The following DOCK9 variants were observed in gnomAD, a reference collection of about 807,000 sequenced individuals.
The protein encoded by DOCK9 is dedicator of cytokinesis 9.
Under a neutral mutation model 263.3 loss-of-function variants are expected in DOCK9, and 89 were observed. That is an observed-to-expected ratio of 0.34 (90% CI 0.28 to 0.40). The LOEUF is 0.40. Ranked by LOEUF, DOCK9 falls within the 10% of genes least tolerant of loss-of-function variation. DOCK9 has a pLI of 1.00. For synonymous variants in DOCK9, 976 were observed against 973.1 expected (o/e 1.00, Z -0.06); for missense variants, 2,140 against 2,603.4 (o/e 0.82, Z 3.87).
intron 35 of DOCK9, among the ~76,000 whole-genome samples, chr13:98,850,842 G>GT (rs770595601): frequency 1.3e-5 from 2 of 152,162 alleles, no homozygotes; most frequent in Admixed American, 6.5e-5. Context: ...TATTACCATC[G>GT]TTTGAGTTCT....
intron 25 of DOCK9, among the ~76,000 whole-genome samples, chr13:98,881,174 A>G (rs2044695465): frequency 6.6e-6 from 1 of 152,182 alleles, no homozygotes; most frequent in Non-Finnish European, 1.5e-5. Context: ...GACTGTAGCC[A>G]GAGCTAACCT....
intron 1 of DOCK9, among the ~76,000 whole-genome samples, chr13:98,961,794 C>T (rs1054494517): frequency 2.6e-5 from 4 of 152,330 alleles, no homozygotes; most frequent in Admixed American, 1.3e-4. Context: ...TCCATTGTTG[C>T]TGGGCACCTT....
intron 15 of DOCK9, among the ~76,000 whole-genome samples, chr13:98,894,778 TTATAGG>T (rs1202875451): frequency 1.3e-5 from 2 of 151,646 alleles, no homozygotes. Context: ...TAACTGTGGC[TTATAGG>T]TATAATTCTG....
intron 4 of DOCK9, among the ~76,000 whole-genome samples, chr13:98,925,304 A>C (rs1287477209): frequency 6.6e-6 from 1 of 152,198 alleles, no homozygotes; most frequent in East Asian, 1.9e-4. Flanking sequence ...ACCGCGATTC[A>C]CTTTGGCCAC....
chr13:98,958,110 G>A (rs75343552), intron 1 of DOCK9, among the ~76,000 whole-genome samples: 1,609 of 152,344 alleles, frequency 0.011, 32 homozygotes, highest in African/African-American at 0.036. Context: ...CTGTTCCCAG[G>A]TGCCAATGTT....
chr13:98,818,831 TTGTGTG>T (rs142278524), intron 45 of DOCK9, among the ~76,000 whole-genome samples: 2 of 149,772 alleles, frequency 1.3e-5, no homozygotes, highest in Non-Finnish European at 3.0e-5. Flanking sequence ...CACACTAACA[TTGTGTG>T]TGTGTGTGTG....
chr13:98,987,392 G>C (rs9517526), intron 1 of DOCK9, among the ~76,000 whole-genome samples: 1 of 152,102 alleles, frequency 6.6e-6, no homozygotes, highest in African/African-American at 2.4e-5. Context: ...AAAAGACAGC[G>C]AGACGTTTAA....
chr13:99,041,771 C>A (rs978842538), intron 1 of DOCK9, among the ~76,000 whole-genome samples: 2 of 152,230 alleles, frequency 1.3e-5, no homozygotes, highest in Non-Finnish European at 2.9e-5. Context: ...TGAACCCTAA[C>A]TCAAATGACA....
In DOCK9 at chr13:98,969,098, G is replaced by T. The variant is rs577965836; in HGVS notation, c.126+8686C>A. Among the ~76,000 whole-genome samples, 5 of 152,332 alleles carry T rather than the reference G, an allele frequency of 3.3e-5. No individual in the cohort carries two copies. The East Asian group carries it at 9.6e-4, about 29-fold the overall frequency. Reference sequence around the variant, plus strand: ...GATAACAGAAAGGGGTGCTGGCTAAGAGAGGAACAGGAAGGGGTTTGACTC... The same window carrying T: ...GATAACAGAAAGGGGTGCTGGCTAATAGAGGAACAGGAAGGGGTTTGACTC... On this transcript the variant is annotated intron_variant, in intron 1 of 52. Transcript: ENST00000682017.
chr13:98,804,256 T>C (rs550481559), intron 49 of DOCK9, among the ~76,000 whole-genome samples: 1 of 152,328 alleles, frequency 6.6e-6, no homozygotes, highest in East Asian at 1.9e-4. Context: ...GAAAGCATTT[T>C]ATGTTAGGTT....
intron 47 of DOCK9, among the ~76,000 whole-genome samples, chr13:98,808,872 G>C (rs1246468010): frequency 6.6e-6 from 1 of 152,106 alleles, no homozygotes; most frequent in African/African-American, 2.4e-5. Context: ...TACTTGTGGA[G>C]ATATTATACT....
chr13:98,845,870 C>A, intron 38 of DOCK9, 54 bp downstream of exon 38: 1 of 1,597,340 alleles, frequency 6.3e-7, no homozygotes. Context: ...GCTCTCCCCT[C>A]TGAGATGGCA....
At chr13:98,795,223 C>A (rs1022094078) in intron 52 of DOCK9, among the ~76,000 whole-genome samples, 2 of 152,180 alleles carry the variant, frequency 1.3e-5, no homozygotes, top group Non-Finnish European at 2.9e-5. Context: ...CTAGCCTTGA[C>A]CTTGAAAAAG....
chr13:99,020,440 C>G (rs957035198), intron 1 of DOCK9, among the ~76,000 whole-genome samples: 6 of 152,194 alleles, frequency 3.9e-5, no homozygotes, highest in Non-Finnish European at 8.8e-5. Context: ...CCAGAAAGCC[C>G]GCACAGAAAA....
intron 39 of DOCK9, among the ~76,000 whole-genome samples, chr13:98,835,064 G>C (rs2092937074): frequency 6.6e-6 from 1 of 152,236 alleles, no homozygotes; most frequent in Non-Finnish European, 1.5e-5. Context: ...ATTAATGCCT[G>C]AGGCACAGAA....
intron 1 of DOCK9, among the ~76,000 whole-genome samples, chr13:99,039,547 T>A (rs951229902): frequency 2.6e-5 from 4 of 152,262 alleles, no homozygotes; most frequent in Non-Finnish European, 4.4e-5. Context: ...TAAAACATCA[T>A]GGCTATTCTC....
At chr13:99,069,390 A>G (rs1021434237) in intron 1 of DOCK9, among the ~76,000 whole-genome samples, 3 of 152,342 alleles carry the variant, frequency 2.0e-5, no homozygotes, top group Admixed American at 2.0e-4. Flanking sequence ...TTTCACCAAC[A>G]AACTAGCTTG....
intron 50 of DOCK9, among the ~76,000 whole-genome samples, chr13:98,799,264 C>T (rs1949002592): frequency 6.6e-6 from 1 of 152,128 alleles, no homozygotes; most frequent in Non-Finnish European, 1.5e-5. Context: ...AAACCAAAAC[C>T]TATGTATTAT....
At chr13:98,901,703 A>G in intron 13 of DOCK9, 75 bp downstream of exon 13, 2 of 1,488,632 alleles carry the variant, frequency 1.3e-6, no homozygotes, top group Non-Finnish European at 1.8e-6. Flanking sequence ...GATTTCATTA[A>G]GGATTTATAG....
Sources: gnomAD v4.1 joint callset for allele counts (sites outside exome capture counted in the v4.1 genomes callset) on GRCh38, gnomAD v4.1.1 for gene constraint, MANE v1.5 for transcripts, NCBI Gene and HGNC (gene_info 2026-07-23, HGNC 2026-07-21) for gene names.